Variants in MTRR observed in about 807,000 individuals in gnomAD.
MTRR encodes the protein methionine synthase reductase.
In MTRR, 63 loss-of-function variants were observed where a neutral mutation model predicts 79.2. The ratio of observed to expected loss-of-function variants is 0.80; its 90% CI spans 0.65 to 0.98. The LOEUF is 0.98. Ranked by LOEUF, MTRR falls within the 50% of genes least tolerant of loss-of-function variation. MTRR has a pLI of 0.00. For synonymous variants in MTRR, 355 were observed against 313.3 expected (o/e 1.13, Z -1.41); for missense variants, 895 against 839.6 (o/e 1.07, Z -0.82).
intron 10 of MTRR, 42 bp downstream of exon 10, chr5:7,891,456 A>G: frequency 6.6e-7 from 1 of 1,521,276 alleles, no homozygotes; most frequent in Non-Finnish European, 9.1e-7. Flanking sequence ...TTGTTTCTCC[A>G]AAATCTTAGA....
In MTRR at chr5:7,885,843, CAAA is replaced by C. The variant is rs753956094; in HGVS notation, c.1047_1049del (p.Lys352del). On this transcript the variant is annotated inframe_deletion, in exon 7 of 15. Transcript: ENST00000440940. ...GTCCTTTTGAAAATAAAGGCAGACA[CAAA>C]GAAGAAAGGTAACAGCCCTGATGCT... The C allele has an allele frequency of 1.4e-5, 22 of 1,613,848 alleles. 1 individual carries two copies. Among genetic ancestry groups the C allele is most frequent in the South Asian group, 1.3e-4 (12 of 91,066 alleles).
chr5:7,896,689 C>T (rs1003345520), intron 12 of MTRR, 175 bp from the exon 13 acceptor site: 4 of 642,036 alleles, frequency 6.2e-6, no homozygotes, highest in Non-Finnish European at 1.1e-5. Context: ...GGCATCTGCT[C>T]GAGTGGCCAT....
chr5:7,887,482 A>C (rs945794799), intron 8 of MTRR, among the ~76,000 whole-genome samples: 3 of 150,440 alleles, frequency 2.0e-5, no homozygotes. Context: ...TGTTTATTGC[A>C]TTTCTAGTCT....
At chr5:7,861,709 C>T (rs777891958) in intron 1 of MTRR, 1 of 1,571,040 alleles carries the variant, frequency 6.4e-7, no homozygotes, top group Admixed American at 1.8e-5. Flanking sequence ...ACACTATCTT[C>T]CTGTATTCAT....
chr5:7,864,800 G>A (rs931424886), upstream of MTRR, among the ~76,000 whole-genome samples: 3 of 145,088 alleles, frequency 2.1e-5, no homozygotes, highest in African/African-American at 5.8e-5. Flanking sequence ...TGTGACATCT[G>A]TAACTATTAG....
chr5:7,897,043 T>A (rs1360347229), intron 13 of MTRR, 22 bp from the exon 14 acceptor site: 11 of 1,613,126 alleles, frequency 6.8e-6, no homozygotes, highest in Non-Finnish European at 8.5e-6. Flanking sequence ...CTTTTAGTGA[T>A]CCATTATATA....
chr5:7,886,537 G>C, intron 7 of MTRR, 78 bp from the exon 8 acceptor site: 1 of 1,091,042 alleles, frequency 9.2e-7, no homozygotes, highest in Middle Eastern at 2.0e-4. Context: ...TACAGTAATT[G>C]TGTTTTGGGG....
intron 14 of MTRR, among the ~76,000 whole-genome samples, chr5:7,898,555 G>A (rs1738925945): frequency 6.6e-6 from 1 of 152,216 alleles, no homozygotes; most frequent in Admixed American, 6.5e-5. Flanking sequence ...AAAGTAGACA[G>A]AAGGAACAGC....
Position 7,895,848 on chromosome 5 carries a change from C to T in MTRR, c.1672C>T (p.His558Tyr). The T allele has an allele frequency of 2.5e-6, 4 of 1,614,086 alleles. No homozygotes were observed. The highest frequency in any genetic ancestry group is 1.6e-4 in the Middle Eastern group (1 of 6,062). The stretch of plus-strand genomic sequence containing the variant: ...AGCCCCGTTTATTGGGTTCCTACAA[C>T]ATAGGTATGTTCTTTTTTTGGCTAA... Reference protein sequence around the residue: ...GIAPFIGFLQHREKLQEQHPD... With the variant: ...GIAPFIGFLQYREKLQEQHPD... The change falls in exon 12 of 15, where the codon CAT becomes TAT. Residue 558 changes from histidine to tyrosine, a missense_variant. Coordinates refer to ENST00000440940, the MANE Select transcript of MTRR (RefSeq NM_002454.3).
rs968721345 is a variant in MTRR, at chr5:7,870,751, T to G, written c.-25-19T>G. 3.7e-6 allele frequency: 6 copies of G among 1,613,904 alleles called. No homozygotes were observed. Among genetic ancestry groups the G allele is most frequent in the Admixed American group, 3.3e-5 (2 of 60,006 alleles). On this transcript the variant is annotated intron_variant, in intron 1 of 14. Coordinates refer to ENST00000440940, the MANE Select transcript of MTRR (RefSeq NM_002454.3). Reference sequence around the variant, plus strand: ...TACTGCTTCATTAAAAAGAGGATCTTTTTTCCCCCATTTTTCAGTTTCACT... The same window carrying G: ...TACTGCTTCATTAAAAAGAGGATCTGTTTTCCCCCATTTTTCAGTTTCACT...
intron 1 of MTRR, among the ~76,000 whole-genome samples, chr5:7,856,172 G>A (rs1746241951): frequency 6.6e-6 from 1 of 152,200 alleles, no homozygotes; most frequent in Non-Finnish European, 1.5e-5. Context: ...AACGTTGTAT[G>A]CAAAATTCCC....
intron 1 of MTRR, among the ~76,000 whole-genome samples, chr5:7,860,223 A>T (rs939101791): frequency 2.0e-5 from 3 of 152,220 alleles, no homozygotes; most frequent in African/African-American, 7.2e-5. Context: ...TGCAAGATGG[A>T]GAAAAAAGTC....
chr5:7,862,886 T>TA (rs1746659334), intron 2 of MTRR: 1 of 1,613,990 alleles, frequency 6.2e-7, no homozygotes, highest in African/African-American at 1.3e-5. Flanking sequence ...CCTAAAAGGT[T>TA]AGTCAGCCCA....
At position 7,883,365 on chromosome 5, in the gene MTRR, G is replaced by A. The variant is rs1359514193; in HGVS notation, c.903+88G>A. The A allele has an allele frequency of 2.6e-6, 4 of 1,551,682 alleles. No individual in the cohort carries two copies. The East Asian group carries it at 9.1e-5, about 35-fold the overall frequency. ...TGGTGCTTGGTTATATATGCTGAGT[G>A]GTGTGCTGCTTGGTTACATATGCTG... On this transcript the variant is annotated intron_variant, in intron 6 of 14. Coordinates refer to ENST00000440940, the MANE Select transcript of MTRR (RefSeq NM_002454.3).
chr5:7,855,328 AAAG>A (rs1057334613), intron 1 of MTRR, among the ~76,000 whole-genome samples: 13 of 151,624 alleles, frequency 8.6e-5, no homozygotes, highest in African/African-American at 2.7e-4. Flanking sequence ...TTAGATAAAA[AAAG>A]AAAAAAAGCT....
chr5:7,886,845 G>A (rs1736550851), intron 8 of MTRR, 142 bp downstream of exon 8: 18 of 697,476 alleles, frequency 2.6e-5, no homozygotes, highest in Non-Finnish European at 4.3e-5. Flanking sequence ...TAGTTCCCAA[G>A]GGTGTGTGCT....
chr5:7,887,970 T>C (rs1174028166), intron 8 of MTRR, among the ~76,000 whole-genome samples: 1 of 151,746 alleles, frequency 6.6e-6, no homozygotes, highest in Non-Finnish European at 1.5e-5. Context: ...GGTATCCATA[T>C]TATATGTGCT....
chr5:7,899,438 C>G (rs1357807866), intron 14 of MTRR, among the ~76,000 whole-genome samples: 1 of 152,194 alleles, frequency 6.6e-6, no homozygotes, highest in Non-Finnish European at 1.5e-5. Flanking sequence ...AGAAGCACTT[C>G]AAAAGGACCT....
At position 7,856,710 on chromosome 5, in the gene MTRR, C is replaced by T. The variant is rs562511853; in HGVS notation, n.391+5125C>T. 6.2e-4 allele frequency: 94 copies of T among 151,912 alleles called. 1 individual carries two copies. The highest frequency in any genetic ancestry group is 2.2e-3 in the African/African-American group (92 of 41,402). 9.4% of individuals were successfully genotyped at this position (151,912 alleles called of 1,614,324 possible). On this transcript the variant is annotated intron_variant and non_coding_transcript_variant, in intron 1 of 3. Coordinates refer to the MTRR transcript ENST00000502509. ...CCTGGTTCCTCACTGAGCCAAGACC[C>T]CTCTCTGGATTTGCGCACATCATCT...
Sources: allele counts gnomAD v4.1 joint callset (sites outside exome capture counted in the v4.1 genomes callset), GRCh38; gene constraint gnomAD v4.1.1; transcripts MANE v1.5; gene names NCBI Gene and HGNC (gene_info 2026-07-23, HGNC 2026-07-21).